The following CSMD1 variants were observed in gnomAD, a reference collection of about 807,000 sequenced individuals.
CSMD1 encodes the protein CUB and sushi domain-containing protein 1.
A neutral mutation model predicts 417.5 loss-of-function variants in CSMD1; 213 were observed. The observed-to-expected ratio is 0.51, with a 90% CI of 0.46 to 0.57. The LOEUF is 0.57. Among genes scored for constraint, CSMD1 ranks in the 20% least tolerant of loss-of-function variants. CSMD1 has a pLI of 0.00. For synonymous variants in CSMD1, 2,862 were observed against 1,736.8 expected (o/e 1.65, Z -16.11); for missense variants, 6,923 against 4,529.7 (o/e 1.53, Z -15.17).
chr8:4,405,259 A>G (rs963823975), intron 3 of CSMD1, among the ~76,000 whole-genome samples: 13 of 152,340 alleles, frequency 8.5e-5, no homozygotes, highest in African/African-American at 2.6e-4. Context: ...TGGAAAAGAG[A>G]AGTCAAAAAA....
At chr8:2,970,181 G>T (rs1804320805) in intron 57 of CSMD1, among the ~76,000 whole-genome samples, 1 of 152,154 alleles carries the variant, frequency 6.6e-6, no homozygotes, top group Non-Finnish European at 1.5e-5. Flanking sequence ...TGTTTAATGT[G>T]TACTTTGCTG....
At chr8:4,243,031 G>A (rs531800247) in intron 3 of CSMD1, among the ~76,000 whole-genome samples, 18 of 152,314 alleles carry the variant, frequency 1.2e-4, no homozygotes, top group African/African-American at 3.8e-4. Context: ...TAGAATGGCA[G>A]AGGTTTTATC....
chr8:3,926,137 G>T (rs1809710311), intron 5 of CSMD1, among the ~76,000 whole-genome samples: 1 of 114,896 alleles, frequency 8.7e-6, no homozygotes, highest in African/African-American at 3.2e-5. Context: ...ACACACTTGT[G>T]GTGTGTATAG....
At chr8:4,173,553 G>A (rs576838416) in intron 3 of CSMD1, among the ~76,000 whole-genome samples, 2 of 152,170 alleles carry the variant, frequency 1.3e-5, no homozygotes, top group South Asian at 2.1e-4. Flanking sequence ...AAAGGAGAAA[G>A]ATAAAATTAT....
chr8:3,461,625 C>T (rs1334766214), intron 12 of CSMD1, among the ~76,000 whole-genome samples: 1 of 152,178 alleles, frequency 6.6e-6, no homozygotes, highest in Non-Finnish European at 1.5e-5. Flanking sequence ...TGTAAGCTAT[C>T]CCTGTGGCCC....
At chr8:4,399,262 A>T (rs1392419086) in intron 3 of CSMD1, among the ~76,000 whole-genome samples, 1 of 152,342 alleles carries the variant, frequency 6.6e-6, no homozygotes, top group Non-Finnish European at 1.5e-5. Context: ...CTCCCCACAA[A>T]AACAGCAACA....
intron 3 of CSMD1, among the ~76,000 whole-genome samples, chr8:4,132,960 G>A (rs184292813): frequency 6.6e-6 from 1 of 152,098 alleles, no homozygotes; most frequent in African/African-American, 2.4e-5. Flanking sequence ...TTGAGATGGA[G>A]TCTCGCTCTG....
At chr8:4,029,614 G>C (rs889922873) in intron 4 of CSMD1, among the ~76,000 whole-genome samples, 5 of 152,084 alleles carry the variant, frequency 3.3e-5, no homozygotes, top group Admixed American at 6.6e-5. Context: ...TTCAAGATGA[G>C]GTTTTGGTAG....
intron 7 of CSMD1, among the ~76,000 whole-genome samples, chr8:3,683,472 G>A: frequency 6.6e-6 from 1 of 152,144 alleles, no homozygotes; most frequent in Non-Finnish European, 1.5e-5. Flanking sequence ...CATTTCTGGA[G>A]GGGTGTTCAT....
chr8:4,459,752 A>G (rs1172873959), intron 2 of CSMD1, among the ~76,000 whole-genome samples: 1 of 152,208 alleles, frequency 6.6e-6, no homozygotes, highest in Non-Finnish European at 1.5e-5. Flanking sequence ...TTAGTGATTC[A>G]GCCTCTAGCC....
intron 1 of CSMD1, among the ~76,000 whole-genome samples, chr8:4,901,342 G>T (rs1257201184): frequency 6.6e-6 from 1 of 152,134 alleles, no homozygotes; most frequent in African/African-American, 2.4e-5. Flanking sequence ...CAGGTATAAT[G>T]GTATTAGAAG....
intron 4 of CSMD1, among the ~76,000 whole-genome samples, chr8:4,019,967 G>A (rs1343049937): frequency 2.0e-5 from 3 of 149,898 alleles, no homozygotes; most frequent in Middle Eastern, 3.5e-3. Flanking sequence ...TTGAGATCCT[G>A]TAGCTTACAT....
At chr8:4,066,311 C>A (rs1799245576) in intron 3 of CSMD1, among the ~76,000 whole-genome samples, 1 of 152,176 alleles carries the variant, frequency 6.6e-6, no homozygotes, top group Non-Finnish European at 1.5e-5. Context: ...ATGTCTGGCT[C>A]TTAAAGGTGT....
chr8:3,656,094 T>C (rs1038635510), intron 7 of CSMD1, among the ~76,000 whole-genome samples: 5 of 152,178 alleles, frequency 3.3e-5, no homozygotes, highest in African/African-American at 1.2e-4. Context: ...TACACACAGA[T>C]GCTACCAGAA....
At chr8:4,903,813 T>C (rs910051136) in intron 1 of CSMD1, among the ~76,000 whole-genome samples, 4 of 152,194 alleles carry the variant, frequency 2.6e-5, no homozygotes, top group African/African-American at 9.6e-5. Flanking sequence ...AGCCTGGCTC[T>C]TCAAACTCAA....
intron 5 of CSMD1, among the ~76,000 whole-genome samples, chr8:3,969,429 A>T (rs1181602034): frequency 6.6e-6 from 1 of 152,124 alleles, no homozygotes; most frequent in Non-Finnish European, 1.5e-5. Flanking sequence ...AGCAGCCTGG[A>T]GATGGGTGGT....
In CSMD1 at chr8:4,878,113, T is replaced by C. The variant is rs572416754; in HGVS notation, c.85+116219A>G. ...TATGTGACCAGTAACCCTCAGCGTGTTCTGTTTTGGCTTTCCTCAGAAGTG... is the reference window on the plus strand; with the variant it reads ...TATGTGACCAGTAACCCTCAGCGTGCTCTGTTTTGGCTTTCCTCAGAAGTG... On this transcript the variant is annotated intron_variant, in intron 1 of 69. Coordinates refer to ENST00000635120, the MANE Select transcript of CSMD1 (RefSeq NM_033225.6). 7.5e-4 allele frequency among the ~76,000 whole-genome samples: 114 copies of C among 152,242 alleles called. 1 individual carries two copies. Among genetic ancestry groups the C allele is most frequent in the South Asian group, 2.1e-3 (10 of 4,816 alleles).
At chr8:3,558,322 A>T (rs1799264548) in intron 10 of CSMD1, among the ~76,000 whole-genome samples, 1 of 119,470 alleles carries the variant, frequency 8.4e-6, no homozygotes, top group Non-Finnish European at 2.0e-5. Context: ...TCCAATGATG[A>T]ATGATGCCTC....
intron 33 of CSMD1, among the ~76,000 whole-genome samples, chr8:3,191,874 C>G (rs1356683143): frequency 1.3e-5 from 2 of 152,178 alleles, no homozygotes; most frequent in African/African-American, 4.8e-5. Flanking sequence ...TTCTATCCTC[C>G]TCAGTCCTTG....
Sources: gnomAD v4.1 joint callset for allele counts (sites outside exome capture counted in the v4.1 genomes callset) on GRCh38, gnomAD v4.1.1 for gene constraint, MANE v1.5 for transcripts, NCBI Gene and HGNC (gene_info 2026-07-23, HGNC 2026-07-21) for gene names.